The following WDR26 variants were observed in gnomAD, a reference collection of about 807,000 sequenced individuals.
WDR26 encodes the protein WD repeat domain 26.
WDR26 carries 5 observed loss-of-function variants against 84.1 expected under a neutral mutation model. The ratio of observed to expected loss-of-function variants is 0.06; its 90% confidence interval spans 0.03 to 0.13. The LOEUF (loss-of-function observed/expected upper bound fraction) is 0.13. Ranked by LOEUF, WDR26 falls within the 10% of genes least tolerant of loss-of-function variation. The probability of loss-of-function intolerance (pLI) is 1.00; values close to 1 mark genes in which losing one functional copy is unlikely to be tolerated. For missense variants in WDR26, 642 were observed against 974.9 expected (o/e 0.66, Z 4.55); for synonymous variants, 415 against 389.6 (o/e 1.07, Z -0.77).
At chr1:224,426,933 A>G (rs1368214516) in intron 3 of WDR26, among the ~76,000 whole-genome samples, 15 of 144,144 alleles carry the variant, frequency 1.0e-4, no homozygotes, top group Admixed American at 1.4e-4. Context: ...CGTCTCTACT[A>G]AAAAAAAAAA....
intron 7 of WDR26, among the ~76,000 whole-genome samples, chr1:224,407,143 A>AG (rs1558426006): frequency 3.1e-5 from 1 of 32,002 alleles, no homozygotes; most frequent in Non-Finnish European, 5.5e-5. Context: ...AAAAAAAAAA[A>AG]AAAAAAAAAT....
At chr1:224,392,992 C>G (rs1009656482) in intron 13 of WDR26, among the ~76,000 whole-genome samples, 6 of 151,936 alleles carry the variant, frequency 3.9e-5, no homozygotes, top group African/African-American at 1.2e-4. Flanking sequence ...AAACATTTTA[C>G]GTGCTCTATT....
At chr1:224,421,327 T>G (rs993412320) in intron 4 of WDR26, among the ~76,000 whole-genome samples, 3 of 152,228 alleles carry the variant, frequency 2.0e-5, no homozygotes, top group Admixed American at 2.0e-4. Flanking sequence ...TCAGCACGCC[T>G]GTAATCCCAG....
chr1:224,422,714 C>CAAA (rs57059923), intron 4 of WDR26, among the ~76,000 whole-genome samples: 4 of 146,216 alleles, frequency 2.7e-5, no homozygotes, highest in African/African-American at 7.6e-5. Flanking sequence ...AACTCTGTCT[C>CAAA]AAAAAAAAAA....
chr1:224,433,833 G>C lies in WDR26; in HGVS notation c.573C>G (p.Thr191=), dbSNP rs1176045880. Reference sequence around the variant, plus strand: ...CGGTGGTGGCGGAGGCAGCTGCGACGGTGGCTGAGGATGCGGCGGCCGCCC... The same window carrying C: ...CGGTGGTGGCGGAGGCAGCTGCGACCGTGGCTGAGGATGCGGCGGCCGCCC... Residue 191 remains threonine, a synonymous_variant, in exon 1 of 14, where the codon ACC becomes ACG. Transcript: ENST00000414423. The C allele has an allele frequency of 1.9e-5, 29 of 1,536,868 alleles. No homozygotes were observed. The highest frequency in any genetic ancestry group is 2.4e-5 in the Non-Finnish European group (27 of 1,146,770).
chr1:224,407,151 A>AAAAAAAAAAAAAAGAATATATATATAT, intron 7 of WDR26, among the ~76,000 whole-genome samples: 1 of 11,868 alleles, frequency 8.4e-5, no homozygotes, highest in Admixed American at 1.3e-3. Flanking sequence ...AAAAAAAAAA[A>AAAAAAAAAAAAAAGAATATATATATAT]ATATATATAT....
At chr1:224,393,613 T>G (rs1572155496) in intron 13 of WDR26, among the ~76,000 whole-genome samples, 1 of 152,204 alleles carries the variant, frequency 6.6e-6, no homozygotes, top group South Asian at 2.1e-4. Flanking sequence ...TATTCCAGCT[T>G]ATTCTTTTCA....
intron 4 of WDR26, among the ~76,000 whole-genome samples, chr1:224,423,850 C>A (rs991833678): frequency 1.3e-5 from 2 of 152,150 alleles, no homozygotes; most frequent in Non-Finnish European, 1.5e-5. Flanking sequence ...TATGTGAAGG[C>A]ATGGTATAGA....
intron 7 of WDR26, among the ~76,000 whole-genome samples, chr1:224,407,792 A>T (rs1027674546): frequency 7.2e-5 from 11 of 152,100 alleles, no homozygotes; most frequent in Non-Finnish European, 1.3e-4. Flanking sequence ...TACAGCGGTA[A>T]GCCACCGCAC....
chr1:224,424,828 T>C (rs1377495779), intron 3 of WDR26, 174 bp from the exon 4 acceptor site: 1 of 722,708 alleles, frequency 1.4e-6, no homozygotes, highest in African/African-American at 1.8e-5. Flanking sequence ...GTAGATTAAA[T>C]GTGACTTTGC....
At chr1:224,406,303 T>G (rs148589040) in intron 7 of WDR26, among the ~76,000 whole-genome samples, 2 of 151,792 alleles carry the variant, frequency 1.3e-5, no homozygotes, top group African/African-American at 4.8e-5. Context: ...TTACAAGAAA[T>G]AGAGGAAGTA....
At chr1:224,409,871 A>G (rs1275331142) in intron 7 of WDR26, among the ~76,000 whole-genome samples, 1 of 151,760 alleles carries the variant, frequency 6.6e-6, no homozygotes, top group East Asian at 1.9e-4. Context: ...TCAGAGAAAA[A>G]AAAAGAAAAG....
At chr1:224,401,698 A>AGAAAAAAC in intron 8 of WDR26, among the ~76,000 whole-genome samples, 1 of 43,170 alleles carries the variant, frequency 2.3e-5, no homozygotes, top group African/African-American at 7.6e-5. Context: ...AAGAAAAAAA[A>AGAAAAAAC]AAAGAAAAAA....
intron 12 of WDR26, among the ~76,000 whole-genome samples, chr1:224,397,197 C>CTAG (rs1673290764): frequency 6.6e-6 from 1 of 152,066 alleles, no homozygotes; most frequent in Non-Finnish European, 1.5e-5. Context: ...AGCCATGTTG[C>CTAG]CCAGGTTGGT....
rs767368281 is a variant in WDR26 at position 224,401,671 on chromosome 1, C to CAAAAAAAAAAAAAAA, written c.1600-617_1600-603dup. On this transcript the variant is annotated intron_variant, in intron 8 of 13. Coordinates refer to ENST00000414423, the MANE Select transcript of WDR26 (RefSeq NM_001379403.1). The stretch of plus-strand genomic sequence containing the variant: ...CCTGGGTGACAGAGTGAGACTGTCT[C>CAAAAAAAAAAAAAAA]AAAAAAAAAAAAAAAAAAGAAAAAA... Among the ~76,000 whole-genome samples the CAAAAAAAAAAAAAAA allele has an allele frequency of 6.2e-4, 31 of 49,640 alleles. 1 individual carries two copies. Among genetic ancestry groups the CAAAAAAAAAAAAAAA allele is most frequent in the African/African-American group, 2.7e-3 (23 of 8,398 alleles). 32.6% of individuals were successfully genotyped at this position (49,640 alleles called of 152,430 possible).
chr1:224,428,278 A>G (rs1005728553), intron 3 of WDR26, among the ~76,000 whole-genome samples: 1 of 152,188 alleles, frequency 6.6e-6, no homozygotes, highest in Non-Finnish European at 1.5e-5. Flanking sequence ...CGATACTTAG[A>G]AAGTCTGGTT....
chr1:224,407,511 A>ATTT (rs1198678359), intron 7 of WDR26, among the ~76,000 whole-genome samples: 1 of 141,662 alleles, frequency 7.1e-6, no homozygotes, highest in African/African-American at 2.6e-5. Context: ...ACATATATAA[A>ATTT]TTTTTTTTTT....
chr1:224,420,981 T>G (rs1674045262), intron 4 of WDR26, among the ~76,000 whole-genome samples: 1 of 152,226 alleles, frequency 6.6e-6, no homozygotes, highest in Admixed American at 6.5e-5. Flanking sequence ...TTTTAAAATG[T>G]TCATTTTTAA....
chr1:224,413,183 T>A (rs928892193), intron 6 of WDR26: 1 of 718,108 alleles, frequency 1.4e-6, no homozygotes, highest in Non-Finnish European at 1.8e-6. Flanking sequence ...AGTGAGATAG[T>A]CTCAAACAAC....
Sources: allele counts gnomAD v4.1 joint callset (sites outside exome capture counted in the v4.1 genomes callset), GRCh38; gene constraint gnomAD v4.1.1; transcripts MANE v1.5; gene names NCBI Gene and HGNC (gene_info 2026-07-23, HGNC 2026-07-21).